Variants in PRDX3 observed in about 807,000 individuals in gnomAD.
PRDX3 encodes the protein thioredoxin-dependent peroxide reductase, mitochondrial.
A neutral mutation model predicts 30.4 loss-of-function variants in PRDX3; 20 were observed. The ratio of observed to expected loss-of-function variants is 0.66; its 90% CI spans 0.46 to 0.96. PRDX3 has a LOEUF of 0.96. PRDX3 is among the 40% of genes least tolerant of loss of function. PRDX3 has a pLI of 0.00. For synonymous variants in PRDX3, 124 were observed against 117.8 expected (o/e 1.05, Z -0.34); for missense variants, 322 against 318.3 (o/e 1.01, Z -0.09).
In PRDX3 at chr10:119,168,339, C is replaced by A; in HGVS notation, c.*141G>T. On this transcript the variant is annotated 3_prime_UTR_variant, in exon 7 of 7. Coordinates refer to ENST00000298510, the MANE Select transcript of PRDX3 (RefSeq NM_006793.5). ...AAGGTCTTAGCCAGAATTACAAAAA[C>A]AAAACATTTAGAGTAATACTTATGA... 1.4e-6 allele frequency: 2 copies of A among 1,472,024 alleles called. No homozygotes were observed. Among genetic ancestry groups the A allele is most frequent in the African/African-American group, 1.4e-5 (1 of 69,478 alleles). 91.2% of individuals were successfully genotyped at this position (1,472,024 alleles called of 1,614,324 possible).
At chr10:119,178,622 G>A (rs1848103752) in intron 1 of PRDX3, 133 bp downstream of exon 1, 3 of 1,140,140 alleles carry the variant, frequency 2.6e-6, no homozygotes, top group East Asian at 2.6e-5. Flanking sequence ...GAGGCCTCTG[G>A]GTCCGTTACC....
At chr10:119,174,713 C>T (rs1192457132) in intron 2 of PRDX3, 121 bp from the exon 3 acceptor site, 45 of 1,003,634 alleles carry the variant, frequency 4.5e-5, no homozygotes, top group South Asian at 2.9e-4. Flanking sequence ...TCAAAACATT[C>T]GGTTCAACTG....
chr10:119,174,595 G>GA lies in PRDX3; in HGVS notation c.170-4dup, dbSNP rs761279303. On this transcript the variant is annotated splice_region_variant and splice_polypyrimidine_tract_variant and intron_variant, in intron 2 of 6. Coordinates refer to ENST00000298510, the MANE Select transcript of PRDX3 (RefSeq NM_006793.5). ...AGCAGGTGCATGGCATGAGGAACCTGAAAAAAAACCCACACTCATATGGAG... is the reference window on the plus strand; with the variant it reads ...AGCAGGTGCATGGCATGAGGAACCTGAAAAAAAAACCCACACTCATATGGAG... The GA allele has an allele frequency of 1.8e-4, 286 of 1,575,236 alleles. 1 individual carries two copies. Among genetic ancestry groups the GA allele is most frequent in the African/African-American group, 5.1e-4 (37 of 72,440 alleles).
In PRDX3 at chr10:119,168,165, T is replaced by A. The variant is rs914248831; in HGVS notation, c.*315A>T. On this transcript the variant is annotated 3_prime_UTR_variant, in exon 7 of 7. Coordinates refer to ENST00000298510, the MANE Select transcript of PRDX3 (RefSeq NM_006793.5). Reference sequence around the variant, plus strand: ...TACTTTATTATAGGCAAGATTCAAGTAAGGCTAAGAAAGAAGAGTGTTTCC... The same window carrying A: ...TACTTTATTATAGGCAAGATTCAAGAAAGGCTAAGAAAGAAGAGTGTTTCC... The A allele has an allele frequency of 6.9e-6, 2 of 289,318 alleles. No individual in the cohort carries two copies. Among genetic ancestry groups the A allele is most frequent in the Non-Finnish European group, 1.3e-5 (2 of 157,324 alleles). 17.9% of individuals were successfully genotyped at this position (289,318 alleles called of 1,614,324 possible). A position where few individuals can be genotyped will look rare whatever the true frequency, so the allele number is the denominator to read the frequency against.
At chr10:119,171,341 G>C (rs555639885) in intron 5 of PRDX3, among the ~76,000 whole-genome samples, 1 of 152,244 alleles carries the variant, frequency 6.6e-6, no homozygotes, top group African/African-American at 2.4e-5. Context: ...CGCCCGGCCA[G>C]GTGAGCTGGC....
At chr10:119,175,972 C>T (rs1204704278) in intron 2 of PRDX3, among the ~76,000 whole-genome samples, 8 of 151,280 alleles carry the variant, frequency 5.3e-5, no homozygotes, top group Non-Finnish European at 7.4e-5. Context: ...TTAGTAGAGA[C>T]GGGATTTCAC....
chr10:119,169,440 A>G, intron 5 of PRDX3, 98 bp from the exon 6 acceptor site: 1 of 1,031,550 alleles, frequency 9.7e-7, no homozygotes. Context: ...TTTTAATAAA[A>G]TATTTATTAA....
chr10:119,168,922 G>A (rs1300104022), intron 6 of PRDX3, among the ~76,000 whole-genome samples: 3 of 145,424 alleles, frequency 2.1e-5, no homozygotes, highest in Non-Finnish European at 3.0e-5. Flanking sequence ...GCAGTGAGCT[G>A]AGAGAGCGCC....
At chr10:119,176,012 G>A (rs1471189172) in intron 2 of PRDX3, among the ~76,000 whole-genome samples, 1 of 151,796 alleles carries the variant, frequency 6.6e-6, no homozygotes, top group Non-Finnish European at 1.5e-5. Flanking sequence ...TTGAACTCCT[G>A]ACCTCAAGTA....
intron 1 of PRDX3, 85 bp from the exon 2 acceptor site, chr10:119,177,238 C>T: frequency 9.7e-6 from 14 of 1,437,872 alleles, no homozygotes; most frequent in Non-Finnish European, 1.3e-5. Context: ...GTGGTTTCAG[C>T]TGTCCCTGTT....
Position 119,168,416 on chromosome 10 carries a change from A to G in PRDX3, c.*64T>C, listed in dbSNP as rs769063645. 1.2e-6 allele frequency: 2 copies of G among 1,606,282 alleles called. No homozygotes were observed. Among genetic ancestry groups the G allele is most frequent in the African/African-American group, 1.3e-5 (1 of 74,626 alleles). ...TCTACAAATAACCATCTTGAAAATG[A>G]TAAAAGCAGGTTTCAACTGTGGTTC... On this transcript the variant is annotated 3_prime_UTR_variant, in exon 7 of 7. Coordinates refer to ENST00000298510, the MANE Select transcript of PRDX3 (RefSeq NM_006793.5).
rs1847815346 is a variant in PRDX3 at position 119,168,332 on chromosome 10, A to C, written c.*148T>G. The stretch of plus-strand genomic sequence containing the variant: ...TGTTTAAAAGGTCTTAGCCAGAATT[A>C]CAAAAACAAAACATTTAGAGTAATA... On this transcript the variant is annotated 3_prime_UTR_variant, in exon 7 of 7. Transcript: ENST00000298510. 1.4e-6 allele frequency: 2 copies of C among 1,465,434 alleles called. No individual in the cohort carries two copies. Among genetic ancestry groups the C allele is most frequent in the South Asian group, 2.7e-5 (2 of 75,032 alleles). The allele number at this position is 1,465,434 out of a possible 1,614,324, so 90.8% of individuals were successfully genotyped here.
chr10:119,169,000 T>C (rs375717555), intron 6 of PRDX3, among the ~76,000 whole-genome samples, 177 bp downstream of exon 6: 15 of 149,946 alleles, frequency 1.0e-4, no homozygotes, highest in African/African-American at 3.7e-4. Context: ...TGCCTGTCTC[T>C]GATAATTGGT....
intron 4 of PRDX3, 66 bp from the exon 5 acceptor site, chr10:119,172,551 A>AC: frequency 7.7e-7 from 1 of 1,293,346 alleles, no homozygotes; most frequent in Admixed American, 1.7e-5. Flanking sequence ...CACGTACCAC[A>AC]ATGTTTGAGA....
intron 1 of PRDX3, among the ~76,000 whole-genome samples, chr10:119,178,219 A>C (rs2133668363): frequency 6.6e-6 from 1 of 152,246 alleles, no homozygotes; most frequent in African/African-American, 2.4e-5. Context: ...GGCTGTGTTG[A>C]ACCCCACCAG....
At position 119,168,145 on chromosome 10, in the gene PRDX3, T is replaced by C. The variant is rs924384402; in HGVS notation, c.*335A>G. On this transcript the variant is annotated 3_prime_UTR_variant, in exon 7 of 7. Transcript: ENST00000298510. Reference sequence around the variant, plus strand: ...GCTTTCAATGTGTGTTGCTCTACTTTATTATAGGCAAGATTCAAGTAAGGC... The same window carrying C: ...GCTTTCAATGTGTGTTGCTCTACTTCATTATAGGCAAGATTCAAGTAAGGC... 2 of 253,182 alleles carry C rather than the reference T, an allele frequency of 7.9e-6. No homozygotes were observed. Among genetic ancestry groups the C allele is most frequent in the African/African-American group, 2.3e-5 (1 of 43,448 alleles). The allele number at this position is 253,182 out of a possible 1,614,324, so 15.7% of individuals were successfully genotyped here. A position where few individuals can be genotyped will look rare whatever the true frequency, so the allele number is the denominator to read the frequency against.
At chr10:119,173,309 A>T (rs906056417) in intron 4 of PRDX3, among the ~76,000 whole-genome samples, 1 of 147,736 alleles carries the variant, frequency 6.8e-6, no homozygotes, top group Non-Finnish European at 1.5e-5. Flanking sequence ...GAGTAATAAT[A>T]AAAAAAATAC....
Position 119,177,380 on chromosome 10 carries a change from C to T in PRDX3, c.37-227G>A, listed in dbSNP as rs202018169. On this transcript the variant is annotated intron_variant, in intron 1 of 6. Transcript: ENST00000298510. ...GGAACTATAAGAACACAAAGACCGG[C>T]TGGGCGCGGTTGCTCACACCTGTAA... 2.6e-5 allele frequency among the ~76,000 whole-genome samples: 4 copies of T among 152,288 alleles called. No homozygotes were observed. In the East Asian group the frequency reaches 7.7e-4, roughly 29 times the overall value.
chr10:119,173,948 G>T, intron 3 of PRDX3, 76 bp from the exon 4 acceptor site: 2 of 1,482,390 alleles, frequency 1.3e-6, no homozygotes, highest in Non-Finnish European at 1.8e-6. Flanking sequence ...CTAACAACTA[G>T]TTCAACTTGC....
Sources: allele counts gnomAD v4.1 joint callset (sites outside exome capture counted in the v4.1 genomes callset), GRCh38; gene constraint gnomAD v4.1.1; transcripts MANE v1.5; gene names NCBI Gene and HGNC (gene_info 2026-07-23, HGNC 2026-07-21).